Variants in KCNB2 observed in about 807,000 individuals in gnomAD.
KCNB2 encodes the protein delayed rectifier potassium channel protein.
KCNB2 carries 15 observed loss-of-function variants against 61.5 expected under a neutral mutation model. The observed-to-expected ratio is 0.24, with a 90% CI of 0.16 to 0.38. The LOEUF (loss-of-function observed/expected upper bound fraction) is 0.38, where lower values mean the gene tolerates loss of function less well. Ranked by LOEUF, KCNB2 falls within the 10% of genes least tolerant of loss-of-function variation. The probability of loss-of-function intolerance (pLI) is 1.00; values close to 1 mark genes in which losing one functional copy is unlikely to be tolerated. For synonymous variants in KCNB2, 457 were observed against 446.0 expected, an observed-to-expected ratio of 1.02 and a Z score of -0.31; for missense variants, 828 against 1,125.2, an observed-to-expected ratio of 0.74 and a Z score of 3.78.
chr8:72,622,554 A>T (rs190413815), intron 2 of KCNB2, among the ~76,000 whole-genome samples: 520 of 152,320 alleles, frequency 3.4e-3, no homozygotes, highest in Non-Finnish European at 5.7e-3. Flanking sequence ...GCTTCCAAAA[A>T]TGGTTAATTA....
At chr8:72,566,374 G>A (rs1296692313) in intron 1 of KCNB2, among the ~76,000 whole-genome samples, 1 of 152,086 alleles carries the variant, frequency 6.6e-6, no homozygotes, top group African/African-American at 2.4e-5. Context: ...GACAAAACCC[G>A]AGTTTGGGAT....
At chr8:72,603,551 C>A (rs908228436) in intron 2 of KCNB2, among the ~76,000 whole-genome samples, 4 of 152,154 alleles carry the variant, frequency 2.6e-5, no homozygotes, top group African/African-American at 9.7e-5. Context: ...CACTCTTTTG[C>A]TGATACTCAT....
chr8:72,692,404 C>A (rs960265841), intron 2 of KCNB2, among the ~76,000 whole-genome samples: 6 of 152,102 alleles, frequency 3.9e-5, no homozygotes, highest in African/African-American at 1.4e-4. Flanking sequence ...AACACTGCCC[C>A]ATTCCAGAGA....
chr8:72,849,424 C>A (rs1213609616), intron 2 of KCNB2, among the ~76,000 whole-genome samples: 1 of 152,140 alleles, frequency 6.6e-6, no homozygotes, highest in Non-Finnish European at 1.5e-5. Flanking sequence ...AACACTAGAA[C>A]TTATTCCTCC....
intron 2 of KCNB2, among the ~76,000 whole-genome samples, chr8:72,623,425 G>A (rs536241765): frequency 6.6e-6 from 1 of 152,250 alleles, no homozygotes; most frequent in South Asian, 2.1e-4. Context: ...GACAGAGTGG[G>A]GAAGAAAACC....
intron 2 of KCNB2, among the ~76,000 whole-genome samples, chr8:72,863,522 C>A (rs1307966275): frequency 1.7e-4 from 26 of 152,202 alleles, no homozygotes. Context: ...ATCAGCATCC[C>A]TATCAGCAGT....
chr8:72,746,003 C>T (rs1808058212), intron 2 of KCNB2, among the ~76,000 whole-genome samples: 1 of 152,178 alleles, frequency 6.6e-6, no homozygotes, highest in Admixed American at 6.5e-5. Flanking sequence ...CTAAAACTCT[C>T]AAATCAGATT....
intron 2 of KCNB2, among the ~76,000 whole-genome samples, chr8:72,569,741 G>A (rs1388822397): frequency 2.6e-5 from 4 of 152,096 alleles, no homozygotes; most frequent in Admixed American, 1.3e-4. Flanking sequence ...AATATGGAGT[G>A]AATTTTGAAA....
chr8:72,827,706 C>T (rs1231367692), intron 2 of KCNB2, among the ~76,000 whole-genome samples: 1 of 151,786 alleles, frequency 6.6e-6, no homozygotes, highest in Admixed American at 6.6e-5. Flanking sequence ...GTTCTTTCTA[C>T]AACAAAATAT....
rs1020939553 is a variant in KCNB2 at position 72,537,675 on chromosome 8, A to T, written c.-304A>T. On this transcript the variant is annotated 5_prime_UTR_variant, in exon 1 of 3. Transcript: ENST00000523207. Reference sequence around the variant, plus strand: ...CTACTAGAGACCGTGAACCAGAGTCAGGGATGTAAAGACAGGGGGAAAGCA... The same window carrying T: ...CTACTAGAGACCGTGAACCAGAGTCTGGGATGTAAAGACAGGGGGAAAGCA... The T allele has an allele frequency of 1.3e-5, 2 of 152,302 alleles. No homozygotes were observed. The highest frequency in any genetic ancestry group is 2.9e-5 in the Non-Finnish European group (2 of 68,216). The allele number at this position is 152,302 out of a possible 1,614,324, so 9.4% of individuals were successfully genotyped here.
chr8:72,814,837 A>T (rs1458037553), intron 2 of KCNB2, among the ~76,000 whole-genome samples: 3 of 152,206 alleles, frequency 2.0e-5, no homozygotes, highest in Non-Finnish European at 4.4e-5. Flanking sequence ...GCTTTGAATA[A>T]ATAATGCAAG....
intron 2 of KCNB2, among the ~76,000 whole-genome samples, chr8:72,873,944 C>G (rs186047668): frequency 1.2e-4 from 18 of 152,334 alleles, no homozygotes; most frequent in South Asian, 4.1e-4. Context: ...AATAGCATGT[C>G]CTGAAACTCA....
intron 2 of KCNB2, among the ~76,000 whole-genome samples, chr8:72,887,721 C>A (rs565890309): frequency 6.6e-6 from 1 of 152,212 alleles, no homozygotes; most frequent in African/African-American, 2.4e-5. Flanking sequence ...TTATGCCTCT[C>A]GGATTTTTGT....
chr8:72,561,731 A>ATATGTATATATATG, intron 1 of KCNB2, among the ~76,000 whole-genome samples: 1 of 21,342 alleles, frequency 4.7e-5, no homozygotes, highest in East Asian at 3.4e-3. Flanking sequence ...ATATATATCT[A>ATATGTATATATATG]TATCTATATA....
intron 2 of KCNB2, among the ~76,000 whole-genome samples, chr8:72,728,633 G>T (rs1384600288): frequency 6.6e-6 from 1 of 151,964 alleles, no homozygotes; most frequent in Non-Finnish European, 1.5e-5. Flanking sequence ...CTATAATGGA[G>T]GTATTAATAT....
intron 2 of KCNB2, among the ~76,000 whole-genome samples, chr8:72,717,343 T>C (rs1291376724): frequency 3.9e-5 from 6 of 152,084 alleles, no homozygotes; most frequent in Non-Finnish European, 8.8e-5. Flanking sequence ...AAAAAAGAGC[T>C]TGCATCGCCA....
At chr8:72,857,314 T>C (rs758895216) in intron 2 of KCNB2, among the ~76,000 whole-genome samples, 8 of 152,116 alleles carry the variant, frequency 5.3e-5, no homozygotes, top group Non-Finnish European at 1.2e-4. Context: ...AAGAGTTGAC[T>C]AGTTGAATGG....
intron 2 of KCNB2, among the ~76,000 whole-genome samples, chr8:72,784,390 A>G (rs1808813678): frequency 6.6e-6 from 1 of 152,170 alleles, no homozygotes; most frequent in South Asian, 2.1e-4. Context: ...CTCTTATCAC[A>G]ATGTTGTATC....
chr8:72,667,006 T>TGAGAGAGA (rs1554582835), intron 2 of KCNB2, among the ~76,000 whole-genome samples: 8 of 147,936 alleles, frequency 5.4e-5, no homozygotes, highest in African/African-American at 2.0e-4. Flanking sequence ...TGTGTGTGTG[T>TGAGAGAGA]GAGAGAGAGA....
Sources: allele counts gnomAD v4.1 joint callset (sites outside exome capture counted in the v4.1 genomes callset), GRCh38; gene constraint gnomAD v4.1.1; transcripts MANE v1.5; gene names NCBI Gene and HGNC (gene_info 2026-07-23, HGNC 2026-07-21).